Variants in SH3GL2 observed in about 807,000 individuals in gnomAD.
SH3GL2 encodes the protein endophilin-A1.
SH3GL2 carries 24 observed loss-of-function variants against 46.0 expected under a neutral mutation model. The ratio of observed to expected loss-of-function variants is 0.52; its 90% CI spans 0.38 to 0.73. The LOEUF (loss-of-function observed/expected upper bound fraction) is 0.73, where lower values mean the gene tolerates loss of function less well. Among genes scored for constraint, SH3GL2 ranks in the 30% least tolerant of loss-of-function variants. The pLI, the probability that SH3GL2 is intolerant of heterozygous loss-of-function variation, is 0.00. For synonymous variants in SH3GL2, 196 were observed against 147.1 expected (o/e 1.33, Z -2.40); for missense variants, 413 against 424.2 (o/e 0.97, Z 0.23).
chr9:17,664,097 A>T (rs1362076595), intron 1 of SH3GL2, among the ~76,000 whole-genome samples: 2 of 152,192 alleles, frequency 1.3e-5, no homozygotes, highest in East Asian at 3.9e-4. Context: ...GCTTCACTGT[A>T]TCCACCCTCC....
chr9:17,600,027 A>T (rs3808771), intron 1 of SH3GL2, among the ~76,000 whole-genome samples: 101,964 of 151,866 alleles, frequency 0.67, 38,634 homozygotes, highest in Non-Finnish European at 0.83. Context: ...AATTCTTATA[A>T]CACTTATTTT....
chr9:17,579,460 C>T (rs999798481), intron 1 of SH3GL2, among the ~76,000 whole-genome samples, 173 bp downstream of exon 1: 8 of 151,896 alleles, frequency 5.3e-5, no homozygotes, highest in African/African-American at 1.9e-4. Flanking sequence ...CCGGTCTGGG[C>T]GTCCACCCTC....
chr9:17,785,406 T>C (rs1391544259), intron 3 of SH3GL2, among the ~76,000 whole-genome samples: 1 of 152,200 alleles, frequency 6.6e-6, no homozygotes, highest in Non-Finnish European at 1.5e-5. Context: ...ATAACTTTTC[T>C]CATCTCTATT....
At chr9:17,783,794 G>C (rs539484856) in intron 3 of SH3GL2, among the ~76,000 whole-genome samples, 1 of 152,168 alleles carries the variant, frequency 6.6e-6, no homozygotes, top group South Asian at 2.1e-4. Context: ...AGATTCATGG[G>C]TTTGAAGGAG....
chr9:17,588,704 T>G (rs1385760497), intron 1 of SH3GL2, among the ~76,000 whole-genome samples: 4 of 152,214 alleles, frequency 2.6e-5, no homozygotes, highest in Non-Finnish European at 5.9e-5. Context: ...AACGCCTTCA[T>G]TTTGGCCTTG....
chr9:17,741,558 T>C (rs924589806), intron 1 of SH3GL2, among the ~76,000 whole-genome samples: 5 of 152,208 alleles, frequency 3.3e-5, no homozygotes, highest in African/African-American at 9.6e-5. Context: ...AGATATACTT[T>C]GGAGTGGAGA....
chr9:17,579,813 C>T (rs1489976766), intron 1 of SH3GL2, among the ~76,000 whole-genome samples: 1 of 152,120 alleles, frequency 6.6e-6, no homozygotes, highest in East Asian at 1.9e-4. Context: ...CCCGCAGGCT[C>T]CAGGGGAATG....
intron 1 of SH3GL2, among the ~76,000 whole-genome samples, chr9:17,671,173 T>C (rs906667603): frequency 1.3e-5 from 2 of 152,244 alleles, no homozygotes; most frequent in Non-Finnish European, 2.9e-5. Flanking sequence ...ATCTTAGTAC[T>C]GAAAGGAGAT....
At chr9:17,679,962 C>T (rs1391661133) in intron 1 of SH3GL2, among the ~76,000 whole-genome samples, 3 of 152,170 alleles carry the variant, frequency 2.0e-5, no homozygotes, top group African/African-American at 7.2e-5. Context: ...ACCAGCCTTG[C>T]ATCCCTGGGA....
intron 1 of SH3GL2, among the ~76,000 whole-genome samples, chr9:17,630,757 A>G (rs936161790): frequency 6.6e-6 from 1 of 152,136 alleles, no homozygotes; most frequent in East Asian, 1.9e-4. Context: ...GCAATAATGT[A>G]GCCTTTCGAG....
intron 1 of SH3GL2, among the ~76,000 whole-genome samples, chr9:17,661,439 A>C (rs1820211923): frequency 6.6e-6 from 1 of 152,196 alleles, no homozygotes; most frequent in Admixed American, 6.5e-5. Context: ...GGTTTGAATA[A>C]AACCAACCGA....
intron 1 of SH3GL2, among the ~76,000 whole-genome samples, chr9:17,700,397 C>A (rs1397452436): frequency 2.0e-5 from 3 of 152,174 alleles, no homozygotes; most frequent in Admixed American, 6.5e-5. Flanking sequence ...GCTAAAACTT[C>A]CTAAAGCAAT....
chr9:17,787,655 C>T lies in SH3GL2; in HGVS notation c.465+142C>T, dbSNP rs1420882122. 4 of 634,660 alleles carry T rather than the reference C, an allele frequency of 6.3e-6. No individual in the cohort carries two copies. In the African/African-American group the frequency reaches 7.4e-5, roughly 12 times the overall value. 39.3% of individuals were successfully genotyped at this position (634,660 alleles called of 1,614,324 possible). On this transcript the variant is annotated intron_variant, in intron 5 of 8. Transcript: ENST00000380607. ...TTAATTACAAAACAACCCAGTAAGA[C>T]AAAATGAGAGAAACCAGAAATGTGA...
chr9:17,621,367 G>T (rs1004594528), intron 1 of SH3GL2, among the ~76,000 whole-genome samples: 2 of 152,188 alleles, frequency 1.3e-5, no homozygotes, highest in African/African-American at 4.8e-5. Context: ...GCAACTACGT[G>T]CAAGACCTGC....
At chr9:17,609,785 G>C (rs1409400383) in intron 1 of SH3GL2, among the ~76,000 whole-genome samples, 2 of 152,214 alleles carry the variant, frequency 1.3e-5, no homozygotes, top group Non-Finnish European at 2.9e-5. Context: ...TCCCCCTTGA[G>C]AAGGGCATGT....
intron 3 of SH3GL2, among the ~76,000 whole-genome samples, chr9:17,775,983 A>C (rs982316490): frequency 5.3e-5 from 8 of 152,232 alleles, no homozygotes; most frequent in African/African-American, 1.9e-4. Flanking sequence ...TTGAGAATAC[A>C]GCAATTTAAA....
intron 3 of SH3GL2, among the ~76,000 whole-genome samples, chr9:17,780,083 G>T (rs1476147316): frequency 6.6e-6 from 1 of 152,050 alleles, no homozygotes; most frequent in Non-Finnish European, 1.5e-5. Context: ...TGAAATTTCT[G>T]AATTTGTTAT....
chr9:17,709,023 T>C (rs985177822), intron 1 of SH3GL2, among the ~76,000 whole-genome samples: 11 of 152,048 alleles, frequency 7.2e-5, no homozygotes, highest in African/African-American at 9.7e-5. Flanking sequence ...TGCCTTGATA[T>C]ACTTTTATTT....
chr9:17,638,911 G>T (rs1158555747), intron 1 of SH3GL2, among the ~76,000 whole-genome samples: 1 of 152,146 alleles, frequency 6.6e-6, no homozygotes, highest in South Asian at 2.1e-4. Context: ...GAATTACAGG[G>T]GTTTTGTGAG....
Sources: gnomAD v4.1 joint callset for allele counts (sites outside exome capture counted in the v4.1 genomes callset) on GRCh38, gnomAD v4.1.1 for gene constraint, MANE v1.5 for transcripts, NCBI Gene and HGNC (gene_info 2026-07-23, HGNC 2026-07-21) for gene names.